The following SYN3 variants were observed in gnomAD, a reference collection of about 807,000 sequenced individuals.
SYN3 encodes synapsin-3.
Under a neutral mutation model 65.8 loss-of-function variants are expected in SYN3, and 35 were observed. The observed-to-expected ratio is 0.53, with a 90% CI of 0.41 to 0.70. The LOEUF (loss-of-function observed/expected upper bound fraction) is 0.70, where lower values mean the gene tolerates loss of function less well. SYN3 is among the 30% of genes least tolerant of loss of function. The probability of loss-of-function intolerance (pLI) is 0.00; values close to 1 mark genes in which losing one functional copy is unlikely to be tolerated. For synonymous variants in SYN3, 270 were observed against 292.9 expected, an observed-to-expected ratio of 0.92 and a Z score of 0.80; for missense variants, 680 against 749.0, an observed-to-expected ratio of 0.91 and a Z score of 1.08.
In SYN3 at chr22:32,797,194, C is replaced by A. The variant is rs193134796; in HGVS notation, c.711+67721G>T. On this transcript the variant is annotated intron_variant, in intron 6 of 13. Coordinates refer to ENST00000358763, the MANE Select transcript of SYN3 (RefSeq NM_003490.4). Reference sequence around the variant, plus strand: ...CCTAGCACCAGCCAGCGGGATAGAGCTCCGTGAACTCTCCAAGGAGCCACC... The same window carrying A: ...CCTAGCACCAGCCAGCGGGATAGAGATCCGTGAACTCTCCAAGGAGCCACC... 3.9e-5 allele frequency among the ~76,000 whole-genome samples: 6 copies of A among 152,270 alleles called. No individual in the cohort carries two copies. The East Asian group carries it at 1.2e-3, about 29-fold the overall frequency.
intron 6 of SYN3, among the ~76,000 whole-genome samples, chr22:32,828,959 G>A (rs1468576921): frequency 6.6e-6 from 1 of 152,106 alleles, no homozygotes; most frequent in Non-Finnish European, 1.5e-5. Flanking sequence ...AGGATCTTGG[G>A]TACATTGGTC....
At chr22:32,642,621 T>C (rs1044824776) in intron 6 of SYN3, among the ~76,000 whole-genome samples, 3 of 152,124 alleles carry the variant, frequency 2.0e-5, no homozygotes, top group South Asian at 4.2e-4. Context: ...TTTGTATTTT[T>C]AGTCGAGATG....
intron 6 of SYN3, among the ~76,000 whole-genome samples, chr22:32,823,526 G>A (rs1601456835): frequency 6.6e-6 from 1 of 152,190 alleles, no homozygotes; most frequent in Non-Finnish European, 1.5e-5. Flanking sequence ...GCACAGAGCC[G>A]ACCAGGCCTG....
intron 4 of SYN3, among the ~76,000 whole-genome samples, chr22:32,871,456 T>C (rs1425683888): frequency 6.6e-6 from 1 of 152,190 alleles, no homozygotes; most frequent in Non-Finnish European, 1.5e-5. Context: ...AGATCCCACA[T>C]GTGAAGTGCT....
At chr22:32,699,742 G>C (rs1434202987) in intron 6 of SYN3, among the ~76,000 whole-genome samples, 2 of 152,158 alleles carry the variant, frequency 1.3e-5, no homozygotes, top group Non-Finnish European at 2.9e-5. Flanking sequence ...TTCATCTACA[G>C]GGCCTCTCCT....
At chr22:32,613,393 T>C (rs905013806) in intron 6 of SYN3, among the ~76,000 whole-genome samples, 5 of 152,060 alleles carry the variant, frequency 3.3e-5, no homozygotes, top group African/African-American at 1.2e-4. Flanking sequence ...TGCAAGGCCA[T>C]TGCCTCCTCC....
intron 6 of SYN3, among the ~76,000 whole-genome samples, chr22:32,805,500 C>A (rs1271250332): frequency 6.6e-6 from 1 of 152,118 alleles, no homozygotes; most frequent in Non-Finnish European, 1.5e-5. Context: ...TCTGGGGGAC[C>A]CAGGCTGTGG....
intron 6 of SYN3, among the ~76,000 whole-genome samples, chr22:32,673,476 T>C (rs1295848597): frequency 3.9e-5 from 6 of 152,048 alleles, no homozygotes; most frequent in African/African-American, 7.2e-5. Flanking sequence ...TCAGGCACAA[T>C]AAACAAAAGA....
chr22:32,869,597 G>T (rs1291758307), intron 4 of SYN3, among the ~76,000 whole-genome samples: 1 of 151,174 alleles, frequency 6.6e-6, no homozygotes, highest in Non-Finnish European at 1.5e-5. Flanking sequence ...TGTTCAAAAA[G>T]ATACGCTGCA....
intron 12 of SYN3, among the ~76,000 whole-genome samples, chr22:32,520,649 C>T (rs1190632500): frequency 2.6e-5 from 4 of 152,214 alleles, no homozygotes; most frequent in African/African-American, 9.6e-5. Context: ...CTTCCTTCAG[C>T]TGAAGCAGCT....
intron 6 of SYN3, among the ~76,000 whole-genome samples, chr22:32,741,503 C>T (rs1422961006): frequency 6.6e-6 from 1 of 151,808 alleles, no homozygotes; most frequent in African/African-American, 2.4e-5. Flanking sequence ...CTACAGGCGC[C>T]TGCCACCACG....
chr22:32,917,609 C>T (rs990681443), intron 4 of SYN3, among the ~76,000 whole-genome samples: 3 of 152,160 alleles, frequency 2.0e-5, no homozygotes, highest in Non-Finnish European at 2.9e-5. Flanking sequence ...GGAGTCATTC[C>T]GGGTGTGGCT....
intron 1 of SYN3, among the ~76,000 whole-genome samples, chr22:33,031,106 C>G (rs2053748756): frequency 6.6e-6 from 1 of 152,228 alleles, no homozygotes; most frequent in Non-Finnish European, 1.5e-5. Flanking sequence ...GCCCACGGCC[C>G]CCTGCCTAAG....
chr22:32,746,654 C>T (rs1232968408), intron 6 of SYN3, among the ~76,000 whole-genome samples: 1 of 152,168 alleles, frequency 6.6e-6, no homozygotes, highest in Non-Finnish European at 1.5e-5. Flanking sequence ...TCTGGGCCCC[C>T]AGTCCAGTGC....
intron 3 of SYN3, among the ~76,000 whole-genome samples, chr22:32,962,790 C>G (rs2051695412): frequency 6.6e-6 from 1 of 150,562 alleles, no homozygotes; most frequent in Non-Finnish European, 1.5e-5. Flanking sequence ...AAAGTCTTGG[C>G]AGAGTATCGG....
At chr22:32,750,796 G>A (rs1226963405) in intron 6 of SYN3, among the ~76,000 whole-genome samples, 1 of 152,084 alleles carries the variant, frequency 6.6e-6, no homozygotes, top group Middle Eastern at 3.2e-3. Flanking sequence ...GTGAGAGAAG[G>A]GGCAAGCAAG....
chr22:32,912,207 G>A (rs748941068), intron 4 of SYN3, among the ~76,000 whole-genome samples: 17 of 152,192 alleles, frequency 1.1e-4, no homozygotes, highest in Admixed American at 2.6e-4. Flanking sequence ...GGGCACGATG[G>A]AGGTCAATAT....
At chr22:32,789,625 G>A (rs2046273989) in intron 6 of SYN3, among the ~76,000 whole-genome samples, 1 of 152,166 alleles carries the variant, frequency 6.6e-6, no homozygotes, top group African/African-American at 2.4e-5. Flanking sequence ...TTATGTGATT[G>A]GGGAAGCTTC....
intron 6 of SYN3, among the ~76,000 whole-genome samples, chr22:32,725,539 T>C (rs2061178393): frequency 6.6e-6 from 1 of 152,154 alleles, no homozygotes; most frequent in African/African-American, 2.4e-5. Flanking sequence ...TTATCTTGCA[T>C]TCTACGCGTG....
Sources: allele counts gnomAD v4.1 joint callset (sites outside exome capture counted in the v4.1 genomes callset), GRCh38; gene constraint gnomAD v4.1.1; transcripts MANE v1.5; gene names NCBI Gene and HGNC (gene_info 2026-07-23, HGNC 2026-07-21).